MEIG1: variants seen among roughly 807,000 people sequenced by gnomAD.
MEIG1 encodes meiosis expressed gene 1 protein homolog.
MEIG1 carries 12 observed loss-of-function variants against 11.3 expected under a neutral mutation model. The observed-to-expected ratio is 1.07, with a 90% confidence interval of 0.68 to 1.73. The LOEUF is 1.73. Ranked by LOEUF, MEIG1 falls within the 40% of genes most tolerant of loss-of-function variation. The pLI, the probability that MEIG1 is intolerant of heterozygous loss-of-function variation, is 0.00. For synonymous variants in MEIG1, 41 were observed against 33.2 expected, an observed-to-expected ratio of 1.24 and a Z score of -0.81; for missense variants, 119 against 104.9, an observed-to-expected ratio of 1.13 and a Z score of -0.59.
At chr10:14,967,105 T>A (rs2131268316) in intron 2 of MEIG1, among the ~76,000 whole-genome samples, 1 of 152,134 alleles carries the variant, frequency 6.6e-6, no homozygotes, top group Non-Finnish European at 1.5e-5. Context: ...GAAGAGGTGG[T>A]CGTTTAGCTG....
At chr10:14,980,544 CT>C (rs1035985371) in intron 1 of MEIG1, among the ~76,000 whole-genome samples, 1 of 152,120 alleles carries the variant, frequency 6.6e-6, no homozygotes, top group Non-Finnish European at 1.5e-5. Context: ...GAGATCTGAG[CT>C]TTTTTCTTGG....
chr10:14,972,680 T>C lies in MEIG1; in HGVS notation c.*39T>C, dbSNP rs372188265. 52 of 1,512,508 alleles carry C rather than the reference T, an allele frequency of 3.4e-5. No individual in the cohort carries two copies. The African/African-American group carries it at 6.0e-4, about 18-fold the overall frequency. The allele number at this position is 1,512,508 out of a possible 1,614,324, so 93.7% of individuals were successfully genotyped here. A position where few individuals can be genotyped will look rare whatever the true frequency, so the allele number is the denominator to read the frequency against. On this transcript the variant is annotated 3_prime_UTR_variant, in exon 3 of 3. Transcript: ENST00000407572. ...TATTACTTGTCAATTATATTTTAAG[T>C]ATTCATCATTTCCTTCTACATCATG...
chr10:14,986,868 C>T, exon 2 of MEIG1: 2 of 447,832 alleles, frequency 4.5e-6, no homozygotes, highest in Non-Finnish European at 8.4e-6. Flanking sequence ...GACTCAGCCT[C>T]CCAGAGTTGA....
At chr10:14,985,243 G>A (rs1407832614) in intron 1 of MEIG1, among the ~76,000 whole-genome samples, 2 of 151,826 alleles carry the variant, frequency 1.3e-5, no homozygotes, top group Admixed American at 1.3e-4. Flanking sequence ...GGGAAATGTT[G>A]CTACTATGGT....
upstream of MEIG1, among the ~76,000 whole-genome samples, chr10:14,956,721 T>A (rs1457321874): frequency 6.6e-6 from 1 of 152,200 alleles, no homozygotes; most frequent in Non-Finnish European, 1.5e-5. Context: ...CCATCTACTG[T>A]GTATCAGACA....
At chr10:14,960,557 C>A (rs1487613810) in intron 1 of MEIG1, among the ~76,000 whole-genome samples, 1 of 152,066 alleles carries the variant, frequency 6.6e-6, no homozygotes, top group African/African-American at 2.4e-5. Context: ...TAGCTGGGAC[C>A]ACAGGTGCCC....
At chr10:14,959,757 A>G (rs1416103577) in intron 1 of MEIG1, among the ~76,000 whole-genome samples, 200 bp downstream of exon 1, 1 of 152,192 alleles carries the variant, frequency 6.6e-6, no homozygotes, top group African/African-American at 2.4e-5. Flanking sequence ...TGGCCCTTCC[A>G]GAATCTCAGG....
At chr10:14,983,677 C>T (rs745525771) in intron 1 of MEIG1, among the ~76,000 whole-genome samples, 2 of 151,752 alleles carry the variant, frequency 1.3e-5, no homozygotes, top group Non-Finnish European at 2.9e-5. Flanking sequence ...ACCACGCCCC[C>T]ATCGCAGGAG....
intron 1 of MEIG1, chr10:14,986,741 C>T: frequency 3.1e-6 from 1 of 322,316 alleles, no homozygotes; most frequent in Non-Finnish European, 6.0e-6. Context: ...CTGCGAATAG[C>T]TGAGACTACA....
At chr10:14,976,769 G>A (rs1327625992), downstream of MEIG1, among the ~76,000 whole-genome samples, 1 of 152,006 alleles carries the variant, frequency 6.6e-6, no homozygotes, top group South Asian at 2.1e-4. Flanking sequence ...CACAGGTCCT[G>A]TACACCCTTT....
chr10:14,985,905 CCGG>C, intron 1 of MEIG1, among the ~76,000 whole-genome samples: 1 of 151,970 alleles, frequency 6.6e-6, no homozygotes, highest in Non-Finnish European at 1.5e-5. Context: ...TGCGTGTACC[CCGG>C]GTGTGTACAC....
At chr10:14,974,296 GT>G (rs1458566346), downstream of MEIG1, among the ~76,000 whole-genome samples, 1 of 152,030 alleles carries the variant, frequency 6.6e-6, no homozygotes, top group Admixed American at 6.5e-5. Flanking sequence ...TTTCATCTCT[GT>G]TAAAGAGGAA....
upstream of MEIG1, among the ~76,000 whole-genome samples, chr10:14,958,874 C>G (rs1842977817): frequency 6.6e-6 from 1 of 151,454 alleles, no homozygotes; most frequent in Non-Finnish European, 1.5e-5. Flanking sequence ...CCAGCCTGGG[C>G]GACGGAGCGA....
At chr10:14,972,161 C>T (rs1327969253) in intron 2 of MEIG1, among the ~76,000 whole-genome samples, 3 of 151,946 alleles carry the variant, frequency 2.0e-5, no homozygotes, top group Non-Finnish European at 1.5e-5. Flanking sequence ...ATTATAGGCA[C>T]CTACCACCAC....
chr10:14,973,876 C>A (rs1843179363), downstream of MEIG1, among the ~76,000 whole-genome samples: 1 of 151,398 alleles, frequency 6.6e-6, no homozygotes, highest in Admixed American at 6.6e-5. Flanking sequence ...CTTGAGCTAA[C>A]AACTTAGGAT....
chr10:14,977,015 C>T (rs1057183297), downstream of MEIG1, among the ~76,000 whole-genome samples: 14 of 152,014 alleles, frequency 9.2e-5, no homozygotes, highest in African/African-American at 3.1e-4. Context: ...TAATGTCACA[C>T]GGGGTGTACT....
rs563491974 is a variant in MEIG1, at chr10:14,985,172, A to AGAT, written n.67-1623_67-1621dup. 3.9e-4 allele frequency among the ~76,000 whole-genome samples: 59 copies of AGAT among 152,032 alleles called. No homozygotes were observed. The East Asian group carries it at 9.5e-3, about 25-fold the overall frequency. Reference sequence around the variant, plus strand: ...AGTGATAGGAGTTGTAATATTCTAGAGATATGTTACTCATAAATCACTGGG... The same window carrying AGAT: ...AGTGATAGGAGTTGTAATATTCTAGAGATGATATGTTACTCATAAATCACTGGG... On this transcript the variant is annotated intron_variant and non_coding_transcript_variant, in intron 1 of 2. Coordinates refer to the MEIG1 transcript ENST00000467536.
chr10:14,974,613 TATTA>T (rs1344018244), downstream of MEIG1, among the ~76,000 whole-genome samples: 1 of 152,116 alleles, frequency 6.6e-6, no homozygotes, highest in African/African-American at 2.4e-5. Context: ...TGGTATCAAT[TATTA>T]ATTGAGACTA....
chr10:14,961,113 G>A (rs1004617584), intron 1 of MEIG1, among the ~76,000 whole-genome samples: 4 of 152,146 alleles, frequency 2.6e-5, no homozygotes, highest in African/African-American at 9.7e-5. Flanking sequence ...ATGGTAGGTC[G>A]AAAATGCATT....
Sources: allele counts gnomAD v4.1 joint callset (sites outside exome capture counted in the v4.1 genomes callset), GRCh38; gene constraint gnomAD v4.1.1; transcripts MANE v1.5; gene names NCBI Gene and HGNC (gene_info 2026-07-23, HGNC 2026-07-21).